The following GRM1 variants were observed in gnomAD, a reference collection of about 807,000 sequenced individuals.
GRM1 encodes glutamate metabotropic receptor 1, also known as metabotropic glutamate receptor 1.
Under a neutral mutation model 90.9 loss-of-function variants are expected in GRM1, and 33 were observed. The observed-to-expected ratio is 0.36, with a 90% confidence interval of 0.28 to 0.49. The LOEUF (loss-of-function observed/expected upper bound fraction) is 0.49. GRM1 is among the 20% of genes least tolerant of loss of function. GRM1 has a pLI of 0.99. For missense variants in GRM1, 1,190 were observed against 1,534.3 expected, an observed-to-expected ratio of 0.78 and a Z score of 3.75; for synonymous variants, 700 against 613.2, an observed-to-expected ratio of 1.14 and a Z score of -2.09.
At chr6:146,178,815 C>G (rs1302084173) in intron 2 of GRM1, among the ~76,000 whole-genome samples, 1 of 152,198 alleles carries the variant, frequency 6.6e-6, no homozygotes, top group Admixed American at 6.5e-5. Context: ...TTGGGACTAT[C>G]TGCCCTAGAC....
chr6:146,394,618 G>T (rs1223614171), intron 6 of GRM1, among the ~76,000 whole-genome samples: 1 of 152,024 alleles, frequency 6.6e-6, no homozygotes, highest in East Asian at 1.9e-4. Flanking sequence ...TTTCTAGAGG[G>T]TTGGGAATGA....
chr6:146,100,292 G>A (rs1220620781), intron 1 of GRM1, among the ~76,000 whole-genome samples: 1 of 152,034 alleles, frequency 6.6e-6, no homozygotes, highest in East Asian at 1.9e-4. Flanking sequence ...CATATGATAA[G>A]CAGATGTTCT....
upstream of GRM1, among the ~76,000 whole-genome samples, chr6:146,028,535 G>A (rs1253354411): frequency 6.6e-6 from 1 of 151,738 alleles, no homozygotes; most frequent in Non-Finnish European, 1.5e-5. Flanking sequence ...CACCCACCGC[G>A]GGAAACAAGT....
chr6:146,177,327 A>C (rs1022540498), intron 2 of GRM1, among the ~76,000 whole-genome samples: 15 of 152,176 alleles, frequency 9.9e-5, no homozygotes, highest in African/African-American at 3.6e-4. Context: ...CTGAGTTAAA[A>C]ATTTTAGATT....
intron 3 of GRM1, among the ~76,000 whole-genome samples, chr6:146,346,604 A>T (rs1425184650): frequency 6.6e-6 from 1 of 152,192 alleles, no homozygotes; most frequent in African/African-American, 2.4e-5. Context: ...CTGGAAGAGC[A>T]TAAAGAAACT....
At position 146,417,537 on chromosome 6, in the gene GRM1, G is replaced by A. The variant is rs189715891; in HGVS notation, c.2661-16335G>A. ...CTATGAGAGAAATTGTATGATAATT[G>A]CTTATTCAGTTCTGTTTCAGGTTCC... On this transcript the variant is annotated intron_variant, in intron 7 of 7. Coordinates refer to ENST00000282753, the MANE Select transcript of GRM1 (RefSeq NM_001278064.2). Among the ~76,000 whole-genome samples the A allele has an allele frequency of 1.2e-3, 180 of 152,252 alleles. 1 individual carries two copies. Among genetic ancestry groups the A allele is most frequent in the Admixed American group, 7.2e-3 (110 of 15,286 alleles).
chr6:146,070,786 C>G (rs1156276877), intron 1 of GRM1, among the ~76,000 whole-genome samples: 3 of 152,082 alleles, frequency 2.0e-5, no homozygotes, highest in Admixed American at 2.0e-4. Flanking sequence ...ACTAGTCATT[C>G]AGGAATCCAC....
chr6:146,249,610 G>A (rs1418650082), intron 2 of GRM1, among the ~76,000 whole-genome samples: 4 of 152,164 alleles, frequency 2.6e-5, no homozygotes, highest in East Asian at 1.9e-4. Flanking sequence ...GAAGTCTACC[G>A]CAGGGGTGGG....
intron 2 of GRM1, among the ~76,000 whole-genome samples, chr6:146,222,526 C>A (rs1780101212): frequency 6.6e-6 from 1 of 151,914 alleles, no homozygotes; most frequent in African/African-American, 2.4e-5. Context: ...ACTGATGTCC[C>A]AACTAAAGAC....
chr6:146,374,705 A>C (rs553895819), intron 5 of GRM1, among the ~76,000 whole-genome samples: 2 of 152,076 alleles, frequency 1.3e-5, no homozygotes, highest in Non-Finnish European at 2.9e-5. Context: ...CTGCAATATT[A>C]GTTGTAATGT....
chr6:146,432,921 G>T (rs1778465999), intron 7 of GRM1, among the ~76,000 whole-genome samples: 1 of 152,190 alleles, frequency 6.6e-6, no homozygotes, highest in African/African-American at 2.4e-5. Flanking sequence ...GAAGATGGGA[G>T]TTGATAAGGC....
chr6:146,382,976 T>C (rs1281210388), intron 5 of GRM1, among the ~76,000 whole-genome samples: 1 of 152,094 alleles, frequency 6.6e-6, no homozygotes, highest in Non-Finnish European at 1.5e-5. Context: ...CCTAGATATA[T>C]ACAATGGATG....
At chr6:146,393,156 C>A (rs1247848205) in intron 6 of GRM1, among the ~76,000 whole-genome samples, 1 of 152,096 alleles carries the variant, frequency 6.6e-6, no homozygotes, top group South Asian at 2.1e-4. Flanking sequence ...ACCAACAGTG[C>A]AAAAGCGTTC....
chr6:146,330,954 A>T (rs1403800691), intron 3 of GRM1, among the ~76,000 whole-genome samples: 5 of 152,220 alleles, frequency 3.3e-5, no homozygotes, highest in Non-Finnish European at 7.4e-5. Flanking sequence ...GGAACTAATC[A>T]TATATAACAG....
chr6:146,324,529 C>T (rs1391046959), intron 3 of GRM1, among the ~76,000 whole-genome samples: 1 of 152,216 alleles, frequency 6.6e-6, no homozygotes, highest in Admixed American at 6.5e-5. Flanking sequence ...CAGTTTTGTG[C>T]TTGAATCCCA....
intron 3 of GRM1, among the ~76,000 whole-genome samples, chr6:146,324,101 G>A (rs1269311118): frequency 6.6e-6 from 1 of 152,214 alleles, no homozygotes; most frequent in Non-Finnish European, 1.5e-5. Context: ...CCCAGAGGGA[G>A]GAATCTAGAG....
intron 1 of GRM1, among the ~76,000 whole-genome samples, chr6:146,082,488 T>C (rs1392217055): frequency 6.6e-6 from 1 of 152,138 alleles, no homozygotes; most frequent in Admixed American, 6.5e-5. Context: ...TTTATCTTCT[T>C]TCCTATCTGG....
At chr6:146,134,356 T>C (rs545855164) in intron 1 of GRM1, among the ~76,000 whole-genome samples, 1 of 152,304 alleles carries the variant, frequency 6.6e-6, no homozygotes, top group East Asian at 1.9e-4. Context: ...ATTAAATGTT[T>C]CCAAAACAAA....
Position 146,434,347 on chromosome 6 carries a change from C to A in GRM1, c.3136C>A (p.Pro1046Thr), listed in dbSNP as rs199954918. The A allele has an allele frequency of 2.5e-6, 4 of 1,612,530 alleles. No individual in the cohort carries two copies. The highest frequency in any genetic ancestry group is 2.2e-5 in the East Asian group (1 of 44,806). The change falls in exon 8 of 8, where the codon CCG (proline) becomes ACG (threonine). Residue 1046 changes from proline to threonine, a missense_variant. Coordinates refer to ENST00000282753, the MANE Select transcript of GRM1 (RefSeq NM_001278064.2). ...GGTCAGCAACTTCAGTACCGCGATC[C>A]CGGATTTTCACGCGGTGCTGGCAGG... ...GVVSNFSTAI[P>T]DFHAVLAGPG...
Sources: allele counts gnomAD v4.1 joint callset (sites outside exome capture counted in the v4.1 genomes callset), GRCh38; gene constraint gnomAD v4.1.1; transcripts MANE v1.5; gene names NCBI Gene and HGNC (gene_info 2026-07-23, HGNC 2026-07-21).